Variants in ANXA10 observed in about 807,000 individuals in gnomAD.
ANXA10 encodes annexin A10, also known as annexin 14.
In ANXA10, 49 loss-of-function variants were observed where a neutral mutation model predicts 53.5. The ratio of observed to expected loss-of-function variants is 0.92; its 90% confidence interval spans 0.73 to 1.16. The LOEUF is 1.16. Ranked by LOEUF, ANXA10 falls within the 50% of genes most tolerant of loss-of-function variation. The pLI is 0.00. For synonymous variants in ANXA10, 131 were observed against 128.9 expected, an observed-to-expected ratio of 1.02 and a Z score of -0.11; for missense variants, 393 against 394.4, an observed-to-expected ratio of 1.00 and a Z score of 0.03.
intron 9 of ANXA10, among the ~76,000 whole-genome samples, chr4:168,180,633 T>G (rs149431163): frequency 6.6e-6 from 1 of 152,220 alleles, no homozygotes; most frequent in Non-Finnish European, 1.5e-5. Flanking sequence ...GACTCAAGAG[T>G]GATTATGAAG....
chr4:168,097,599 A>C (rs1730572290), intron 1 of ANXA10, among the ~76,000 whole-genome samples: 1 of 152,258 alleles, frequency 6.6e-6, no homozygotes, highest in African/African-American at 2.4e-5. Context: ...GGAAAGTTAA[A>C]AAAAAATTAA....
At chr4:168,130,231 A>G (rs1333534360) in intron 2 of ANXA10, among the ~76,000 whole-genome samples, 1 of 152,114 alleles carries the variant, frequency 6.6e-6, no homozygotes, top group Non-Finnish European at 1.5e-5. Context: ...ATATAATCAC[A>G]TGATTTTTCT....
intron 3 of ANXA10, among the ~76,000 whole-genome samples, chr4:168,140,767 C>T (rs28551176): frequency 0.014 from 2,073 of 152,130 alleles, 49 homozygotes; most frequent in African/African-American, 0.047. Context: ...TACAGCTGTG[C>T]GTCACCACGC....
At chr4:168,157,915 C>T (rs923596350) in intron 3 of ANXA10, among the ~76,000 whole-genome samples, 4 of 151,826 alleles carry the variant, frequency 2.6e-5, no homozygotes, top group African/African-American at 9.7e-5. Flanking sequence ...TATAAATATT[C>T]CTGTTCTTTG....
intron 1 of ANXA10, among the ~76,000 whole-genome samples, chr4:168,123,104 G>T (rs1040315959): frequency 1.3e-5 from 2 of 152,058 alleles, no homozygotes; most frequent in Non-Finnish European, 1.5e-5. Context: ...AGGTTTTTGT[G>T]GGGGTCTACA....
chr4:168,102,589 T>C (rs941300522), intron 1 of ANXA10, among the ~76,000 whole-genome samples: 2 of 152,126 alleles, frequency 1.3e-5, no homozygotes, highest in African/African-American at 4.8e-5. Context: ...TGCCATTTTA[T>C]TGCTGAGTCA....
intron 1 of ANXA10, among the ~76,000 whole-genome samples, chr4:168,124,604 C>A (rs1287953506): frequency 6.6e-6 from 1 of 152,126 alleles, no homozygotes; most frequent in African/African-American, 2.4e-5. Context: ...GTGATTCCTG[C>A]ATTGCCTATA....
rs534772550 is a variant in ANXA10, at chr4:168,095,452, G to A, written c.18+2734G>A. Among the ~76,000 whole-genome samples the A allele has an allele frequency of 2.6e-3, 389 of 151,888 alleles. 2 individuals carry two copies. In the Middle Eastern group the frequency reaches 0.034, roughly 13 times the overall value. On this transcript the variant is annotated intron_variant, in intron 1 of 11. Transcript: ENST00000359299. Reference sequence around the variant, plus strand: ...TTAATCATAGCAGTATGAAAAGTAGGATACATGTTGATATCATATTTCTTA... The same window carrying A: ...TTAATCATAGCAGTATGAAAAGTAGAATACATGTTGATATCATATTTCTTA...
chr4:168,133,313 T>TA (rs1397099166), intron 2 of ANXA10, among the ~76,000 whole-genome samples: 1 of 151,996 alleles, frequency 6.6e-6, no homozygotes, highest in African/African-American at 2.4e-5. Flanking sequence ...AATACATCCA[T>TA]AAAAAATAAT....
chr4:168,106,084 A>G (rs895949303), intron 1 of ANXA10, among the ~76,000 whole-genome samples: 61 of 152,040 alleles, frequency 4.0e-4, no homozygotes, highest in Non-Finnish European at 4.4e-5. Flanking sequence ...CCCATTCTGT[A>G]GGTTGTTTAC....
At chr4:168,109,870 C>T (rs1046585686) in intron 1 of ANXA10, among the ~76,000 whole-genome samples, 1 of 152,194 alleles carries the variant, frequency 6.6e-6, no homozygotes, top group Non-Finnish European at 1.5e-5. Flanking sequence ...GCTAAGCTAT[C>T]TAAGTTATCT....
chr4:168,114,975 C>T (rs957763658), intron 1 of ANXA10, among the ~76,000 whole-genome samples: 1 of 152,110 alleles, frequency 6.6e-6, no homozygotes, highest in Non-Finnish European at 1.5e-5. Flanking sequence ...ACAACCTCTG[C>T]CTCCAGGGCT....
chr4:168,156,828 G>T (rs1731693657), intron 3 of ANXA10, among the ~76,000 whole-genome samples: 2 of 151,824 alleles, frequency 1.3e-5, no homozygotes, highest in Admixed American at 1.3e-4. Context: ...TATCCATCTT[G>T]GTGATGTTTG....
chr4:168,141,653 C>G (rs1731327225), intron 3 of ANXA10, among the ~76,000 whole-genome samples: 2 of 152,098 alleles, frequency 1.3e-5, no homozygotes, highest in Admixed American at 6.5e-5. Flanking sequence ...GAAATCTTTA[C>G]TTGAAGGGAA....
chr4:168,120,055 G>A (rs916531551), intron 1 of ANXA10, among the ~76,000 whole-genome samples: 8 of 151,896 alleles, frequency 5.3e-5, no homozygotes, highest in Non-Finnish European at 8.8e-5. Flanking sequence ...ATACAATACC[G>A]AGAAATACAG....
chr4:168,172,177 A>AGGGCCTGACTCT (rs1732003839), intron 6 of ANXA10, among the ~76,000 whole-genome samples: 1 of 152,218 alleles, frequency 6.6e-6, no homozygotes, highest in Admixed American at 6.5e-5. Context: ...CCTTTACATG[A>AGGGCCTGACTCT]CAAAGCCAGC....
intron 2 of ANXA10, among the ~76,000 whole-genome samples, chr4:168,133,938 A>G (rs952409086): frequency 6.7e-6 from 1 of 150,264 alleles, no homozygotes; most frequent in Non-Finnish European, 1.5e-5. Flanking sequence ...GAGAAGAAGG[A>G]GAAAAACTTA....
rs117852559 is a variant in ANXA10, at chr4:168,150,724, G to A, written c.195+11144G>A. ...AAACATGGTGGTGTTAGCATGTTGC[G>A]AGGGTGGAATTTTCAGCCCTCTGAC... is the stretch of plus-strand genomic sequence containing the variant. On this transcript the variant is annotated intron_variant, in intron 3 of 11. Coordinates refer to ENST00000359299, the MANE Select transcript of ANXA10 (RefSeq NM_007193.5). 2.2e-4 allele frequency among the ~76,000 whole-genome samples: 33 copies of A among 152,236 alleles called. No individual in the cohort carries two copies. In the East Asian group the frequency reaches 6.0e-3, roughly 28 times the overall value.
At chr4:168,168,744 A>C (rs1050353802) in intron 6 of ANXA10, among the ~76,000 whole-genome samples, 14 of 152,206 alleles carry the variant, frequency 9.2e-5, no homozygotes, top group Non-Finnish European at 1.5e-5. Context: ...AAGCTGTGAA[A>C]AAGAATTGAA....
Sources: allele counts gnomAD v4.1 joint callset (sites outside exome capture counted in the v4.1 genomes callset), GRCh38; gene constraint gnomAD v4.1.1; transcripts MANE v1.5; gene names NCBI Gene and HGNC (gene_info 2026-07-23, HGNC 2026-07-21).